Variants in KYAT3 observed in about 807,000 individuals in gnomAD.
KYAT3 encodes kynurenine--oxoglutarate transaminase 3.
In KYAT3, 50 loss-of-function variants were observed where a neutral mutation model predicts 59.0. That is an observed-to-expected ratio of 0.85 (90% confidence interval 0.68 to 1.07). The LOEUF (loss-of-function observed/expected upper bound fraction) is 1.07, where lower values mean the gene tolerates loss of function less well. Among genes scored for constraint, KYAT3 ranks in the 50% least tolerant of loss-of-function variants. KYAT3 has a pLI of 0.00. For synonymous variants in KYAT3, 148 were observed against 177.0 expected, an observed-to-expected ratio of 0.84 and a Z score of 1.30; for missense variants, 497 against 533.3, an observed-to-expected ratio of 0.93 and a Z score of 0.67.
rs1332303916 is a variant in KYAT3, at chr1:88,935,991, T to C, written c.*192A>G. 2.2e-5 allele frequency: 11 copies of C among 510,096 alleles called. No individual in the cohort carries two copies. The highest frequency in any genetic ancestry group is 3.9e-5 in the Non-Finnish European group (11 of 282,730). The allele number at this position is 510,096 out of a possible 1,614,324, so 31.6% of individuals were successfully genotyped here. A position where few individuals can be genotyped will look rare whatever the true frequency, so the allele number is the denominator to read the frequency against. On this transcript the variant is annotated 3_prime_UTR_variant, in exon 14 of 14. Transcript: ENST00000260508. ...TGATTGTGGAAGGTGTGTTAATACATTTCAACTGGAAAAAAAAGGTCAGAT... is the reference window on the plus strand; with the variant it reads ...TGATTGTGGAAGGTGTGTTAATACACTTCAACTGGAAAAAAAAGGTCAGAT...
Position 88,991,521 on chromosome 1 carries a change from C to T in KYAT3, c.-2+1064G>A, listed in dbSNP as rs545366677. On this transcript the variant is annotated intron_variant, in intron 1 of 13. Coordinates refer to ENST00000260508, the MANE Select transcript of KYAT3 (RefSeq NM_001008661.3). ...CTTCTAGAATGTTTATAAGGTTCACCGATACAACAGAGGGTATCTAGACGG... is the reference window on the plus strand; with the variant it reads ...CTTCTAGAATGTTTATAAGGTTCACTGATACAACAGAGGGTATCTAGACGG... Among the ~76,000 whole-genome samples the T allele has an allele frequency of 2.4e-4, 37 of 152,240 alleles. 1 individual carries two copies. Among genetic ancestry groups the T allele is most frequent in the African/African-American group, 8.7e-4 (36 of 41,530 alleles).
At chr1:88,954,156 C>A (rs896897977) in intron 9 of KYAT3, among the ~76,000 whole-genome samples, 1 of 152,168 alleles carries the variant, frequency 6.6e-6, no homozygotes, top group African/African-American at 2.4e-5. Context: ...CCTCGGCCTC[C>A]CAAAGTGCTG....
chr1:88,938,444 T>C (rs1038761308), intron 13 of KYAT3, among the ~76,000 whole-genome samples: 12 of 152,200 alleles, frequency 7.9e-5, no homozygotes, highest in Non-Finnish European at 1.3e-4. Context: ...TAGACTCATG[T>C]CACAGGGGTT....
At position 88,988,745 on chromosome 1, in the gene KYAT3, C is replaced by CTGAA. The variant is rs1303529984; in HGVS notation, c.-1-395_-1-394insTTCA. On this transcript the variant is annotated intron_variant, in intron 1 of 13. Coordinates refer to ENST00000260508, the MANE Select transcript of KYAT3 (RefSeq NM_001008661.3). Reference sequence around the variant, plus strand: ...ATTTCAGAATCCTCTGGATAACAGTCACTAGTAAAAGCATAGTTTGTAACA... The same window carrying CTGAA: ...ATTTCAGAATCCTCTGGATAACAGTCTGAAACTAGTAAAAGCATAGTTTGTAACA... Among the ~76,000 whole-genome samples, 430 of 152,252 alleles carry CTGAA rather than the reference C, an allele frequency of 2.8e-3. 3 individuals are homozygous for CTGAA. The highest frequency in any genetic ancestry group is 9.7e-3 in the African/African-American group (404 of 41,546).
At chr1:88,956,027 G>A (rs572695071) in intron 8 of KYAT3, among the ~76,000 whole-genome samples, 104 of 152,228 alleles carry the variant, frequency 6.8e-4, no homozygotes, top group African/African-American at 2.4e-3. Context: ...AAGAAGCCCT[G>A]TACCTTTTAG....
At chr1:88,992,214 G>C (rs919888920) in intron 1 of KYAT3, among the ~76,000 whole-genome samples, 6 of 152,148 alleles carry the variant, frequency 3.9e-5, no homozygotes, top group Non-Finnish European at 7.4e-5. Context: ...TCCTGACCTC[G>C]TGATCCGCCC....
chr1:88,959,848 C>T (rs977294282), intron 8 of KYAT3, among the ~76,000 whole-genome samples: 1 of 151,386 alleles, frequency 6.6e-6, no homozygotes, highest in Admixed American at 6.6e-5. Flanking sequence ...ATAATTATGG[C>T]ACATGCAACA....
chr1:88,966,291 T>C (rs1445959413), intron 4 of KYAT3, among the ~76,000 whole-genome samples: 1 of 152,198 alleles, frequency 6.6e-6, no homozygotes, highest in Non-Finnish European at 1.5e-5. Context: ...AGGCCATAGA[T>C]TGCAAAACCC....
At chr1:88,959,571 T>C (rs1433994959) in intron 8 of KYAT3, among the ~76,000 whole-genome samples, 1 of 23,222 alleles carries the variant, frequency 4.3e-5, no homozygotes, top group Non-Finnish European at 1.1e-4. Flanking sequence ...AGACTCTGTC[T>C]CAAAAAAAAA....
intron 8 of KYAT3, among the ~76,000 whole-genome samples, chr1:88,958,662 T>C (rs1433250787): frequency 6.6e-6 from 1 of 152,224 alleles, no homozygotes; most frequent in Non-Finnish European, 1.5e-5. Flanking sequence ...TGCATATTAA[T>C]GGCAAAATCA....
chr1:88,972,675 T>G (rs1003824043), intron 2 of KYAT3, among the ~76,000 whole-genome samples: 1 of 152,236 alleles, frequency 6.6e-6, no homozygotes, highest in Non-Finnish European at 1.5e-5. Context: ...TGAAACAGCC[T>G]TCACCTGGAA....
chr1:88,984,960 G>T (rs1557708248), intron 2 of KYAT3, among the ~76,000 whole-genome samples: 1 of 152,152 alleles, frequency 6.6e-6, no homozygotes, highest in Non-Finnish European at 1.5e-5. Flanking sequence ...CATATCACAT[G>T]AGTGAAATAA....
chr1:88,958,940 G>A (rs189234240), intron 8 of KYAT3, among the ~76,000 whole-genome samples: 468 of 152,202 alleles, frequency 3.1e-3, no homozygotes, highest in Middle Eastern at 6.8e-3. Context: ...AATCACCCTA[G>A]TTTTCCACCC....
intron 2 of KYAT3, among the ~76,000 whole-genome samples, chr1:88,984,267 T>G (rs1287385667): frequency 7.5e-6 from 1 of 133,520 alleles, no homozygotes; most frequent in Non-Finnish European, 1.5e-5. Flanking sequence ...CAGGCTGGAG[T>G]GCAGCGGCGC....
rs527329106 is a variant in KYAT3, at chr1:88,981,986, T to C, written c.99+6266A>G. The C allele has an allele frequency of 1.2e-4, 117 of 983,634 alleles. No homozygotes were observed. The African/African-American group carries it at 1.9e-3, about 16-fold the overall frequency. The allele number at this position is 983,634 out of a possible 1,614,324, so 60.9% of individuals were successfully genotyped here. On this transcript the variant is annotated intron_variant, in intron 2 of 13. Transcript: ENST00000260508. ...TGGTTGGTTTTGGCCAAACTTTTTA[T>C]TTAGTATTCCGTAGTTGTTTAGCAC...
intron 2 of KYAT3, chr1:88,979,956 C>G (rs1158780236): frequency 2.0e-5 from 3 of 152,258 alleles, no homozygotes; most frequent in African/African-American, 7.2e-5. Context: ...CAAATAATGG[C>G]ATATTCACAT....
Position 88,976,086 on chromosome 1 carries a change from C to T in KYAT3, c.100-6619G>A, listed in dbSNP as rs534756645. Among the ~76,000 whole-genome samples, 4 of 149,558 alleles carry T rather than the reference C, an allele frequency of 2.7e-5. No homozygotes were observed. The South Asian group carries it at 8.5e-4, about 32-fold the overall frequency. Reference sequence around the variant, plus strand: ...AAAAATTTCTACTTGCAGCCAGGTGCAGTGGCTCACGCCTGTAATCCCAGC... The same window carrying T: ...AAAAATTTCTACTTGCAGCCAGGTGTAGTGGCTCACGCCTGTAATCCCAGC... On this transcript the variant is annotated intron_variant, in intron 2 of 13. Transcript: ENST00000260508.
intron 10 of KYAT3, among the ~76,000 whole-genome samples, chr1:88,950,824 A>G (rs990968110): frequency 3.9e-5 from 6 of 152,100 alleles, no homozygotes; most frequent in Non-Finnish European, 8.8e-5. Context: ...AGACCAAGTC[A>G]CTCCTGAGTT....
At position 88,961,257 on chromosome 1, in the gene KYAT3, C is replaced by CAA. The variant is rs1557691692; in HGVS notation, c.695_696dup (p.Ala233LeufsTer29). 3.7e-6 allele frequency: 6 copies of CAA among 1,613,404 alleles called. No homozygotes were observed. Among genetic ancestry groups the CAA allele is most frequent in the Non-Finnish European group, 4.2e-6 (5 of 1,179,908 alleles). On this transcript the variant is annotated frameshift_variant, in exon 8 of 14. Transcript: ENST00000260508. LOFTEE classifies it high-confidence loss of function. ...GTGTCATATTTGATGCAAAGGTCAG[C>CAA]AATTACTTGCAGTTCCTCTCTGTTA...
Sources: gnomAD v4.1 joint callset for allele counts (sites outside exome capture counted in the v4.1 genomes callset) on GRCh38, gnomAD v4.1.1 for gene constraint, MANE v1.5 for transcripts, NCBI Gene and HGNC (gene_info 2026-07-23, HGNC 2026-07-21) for gene names.